Variants in SSH2 observed in about 807,000 individuals in gnomAD.
SSH2 encodes the protein slingshot protein phosphatase 2.
In SSH2, 37 loss-of-function variants were observed where a neutral mutation model predicts 135.2. The observed-to-expected ratio is 0.27, with a 90% CI of 0.21 to 0.36. SSH2 has a LOEUF of 0.36. SSH2 is among the 10% of genes least tolerant of loss of function. The pLI is 1.00. For missense variants in SSH2, 1,408 were observed against 1,765.3 expected, an observed-to-expected ratio of 0.80 and a Z score of 3.63; for synonymous variants, 628 against 646.2, an observed-to-expected ratio of 0.97 and a Z score of 0.43.
chr17:29,854,079 T>C (rs981284750), intron 1 of SSH2, among the ~76,000 whole-genome samples: 2 of 151,974 alleles, frequency 1.3e-5, no homozygotes, highest in African/African-American at 4.8e-5. Flanking sequence ...AAAAGGCTTA[T>C]ACATTTGGGT....
intron 14 of SSH2, among the ~76,000 whole-genome samples, chr17:29,643,565 C>T (rs999840575): frequency 4.6e-5 from 7 of 152,286 alleles, no homozygotes; most frequent in Admixed American, 4.6e-4. Context: ...GTGATCTCAA[C>T]TCACTGCAAC....
intron 9 of SSH2, among the ~76,000 whole-genome samples, chr17:29,667,781 C>T (rs2151035199): frequency 6.6e-6 from 1 of 152,286 alleles, no homozygotes; most frequent in East Asian, 1.9e-4. Flanking sequence ...AAACAAACAA[C>T]TGAAAAGCTA....
At chr17:29,826,297 C>T (rs1363312373) in intron 2 of SSH2, among the ~76,000 whole-genome samples, 1 of 152,084 alleles carries the variant, frequency 6.6e-6, no homozygotes, top group Admixed American at 6.6e-5. Flanking sequence ...AAAGCTTCCA[C>T]CTAGAAGTGA....
chr17:29,670,276 T>C (rs760994324), intron 9 of SSH2, among the ~76,000 whole-genome samples: 2 of 152,174 alleles, frequency 1.3e-5, no homozygotes, highest in Non-Finnish European at 2.9e-5. Context: ...TTGAGCTAGA[T>C]GAGACATCCA....
In SSH2 at chr17:29,650,692, C is replaced by T. The variant is rs116740540; in HGVS notation, c.1188G>A (p.Ala396=). Residue 396 remains alanine (A), a synonymous_variant, in exon 13 of 16, where the codon GCG becomes GCA. Coordinates refer to ENST00000540801, the MANE Select transcript of SSH2 (RefSeq NM_001282129.2). ...TGAATTTGTAAGTGTCATTCCAGTA[C>T]GCCAGGAGATCCGTTGCCTCTTCAT... ...VYDEEATDLL[A]YWNDTYKFIS... The T allele has an allele frequency of 1.2e-3, 1,931 of 1,613,826 alleles. 17 individuals carry two copies. In the African/African-American group the frequency reaches 0.022, roughly 18 times the overall value.
At chr17:29,860,335 T>C (rs1207857910) in intron 1 of SSH2, among the ~76,000 whole-genome samples, 1 of 152,214 alleles carries the variant, frequency 6.6e-6, no homozygotes, top group East Asian at 1.9e-4. Context: ...ATGGTTTTGA[T>C]TTGCATTTCT....
intron 1 of SSH2, among the ~76,000 whole-genome samples, chr17:29,913,347 A>ATATATATATATAT (rs1429739888): frequency 3.5e-5 from 1 of 28,778 alleles, no homozygotes; most frequent in Non-Finnish European, 5.9e-5. Context: ...AAAAAAAAAA[A>ATATATATATATAT]ATATATATAT....
chr17:29,899,129 C>G (rs1480898134), intron 1 of SSH2, among the ~76,000 whole-genome samples: 2 of 151,994 alleles, frequency 1.3e-5, no homozygotes, highest in African/African-American at 2.4e-5. Context: ...GGACGTATCT[C>G]AAAATAATAA....
intron 2 of SSH2, among the ~76,000 whole-genome samples, chr17:29,828,916 C>G (rs1024723815): frequency 4.6e-5 from 7 of 152,198 alleles, no homozygotes; most frequent in Admixed American, 1.3e-4. Flanking sequence ...CAAAGCAAAA[C>G]CCCAGTGGCG....
chr17:29,793,347 C>A (rs1300712865), intron 3 of SSH2, among the ~76,000 whole-genome samples: 1 of 151,694 alleles, frequency 6.6e-6, no homozygotes, highest in East Asian at 1.9e-4. Flanking sequence ...CTCAGTATAC[C>A]CTTTGTATAG....
intron 1 of SSH2, among the ~76,000 whole-genome samples, chr17:29,850,029 C>CA (rs970117948): frequency 0.041 from 1,518 of 37,134 alleles, 61 homozygotes; most frequent in African/African-American, 0.11. Context: ...GACTCCATCT[C>CA]AAAAAAAAAA....
intron 3 of SSH2, among the ~76,000 whole-genome samples, chr17:29,792,426 A>G (rs1305264480): frequency 6.6e-6 from 1 of 152,120 alleles, no homozygotes; most frequent in East Asian, 1.9e-4. Context: ...TCTGGTACAC[A>G]TTCAGCTAAA....
chr17:29,718,410 TCCTAAAACTTAAAAG>T (rs2151161657), intron 3 of SSH2, among the ~76,000 whole-genome samples: 1 of 152,318 alleles, frequency 6.6e-6, no homozygotes, highest in Non-Finnish European at 1.5e-5. Context: ...TAGCAAATTA[TCCTAAAACTTAAAAG>T]CCTAAAACCA....
intron 6 of SSH2, among the ~76,000 whole-genome samples, chr17:29,682,591 C>G (rs1268022295): frequency 1.3e-5 from 2 of 151,296 alleles, no homozygotes; most frequent in African/African-American, 4.9e-5. Context: ...CTGGGCAACA[C>G]AGAGAGACTG....
At chr17:29,815,792 T>A (rs2042547701) in intron 2 of SSH2, among the ~76,000 whole-genome samples, 1 of 152,224 alleles carries the variant, frequency 6.6e-6, no homozygotes, top group Non-Finnish European at 1.5e-5. Context: ...AAATTCACAA[T>A]CTTTTCTATC....
chr17:29,697,654 T>C (rs749739517), intron 4 of SSH2, among the ~76,000 whole-genome samples: 2 of 151,868 alleles, frequency 1.3e-5, no homozygotes, highest in Non-Finnish European at 2.9e-5. Context: ...TATAAATAAA[T>C]AAACAAAAAC....
chr17:29,714,957 C>A (rs900497998), intron 3 of SSH2, among the ~76,000 whole-genome samples: 4 of 152,050 alleles, frequency 2.6e-5, no homozygotes, highest in African/African-American at 9.7e-5. Flanking sequence ...ACCTCCGCCT[C>A]CTGGGCTCAA....
At chr17:29,700,325 G>T (rs1022444698) in intron 4 of SSH2, among the ~76,000 whole-genome samples, 1 of 152,058 alleles carries the variant, frequency 6.6e-6, no homozygotes, top group Non-Finnish European at 1.5e-5. Context: ...TCCCCAAAAT[G>T]ATAAATAAGG....
At chr17:29,899,172 A>C (rs2066500194) in intron 1 of SSH2, among the ~76,000 whole-genome samples, 1 of 151,924 alleles carries the variant, frequency 6.6e-6, no homozygotes, top group African/African-American at 2.4e-5. Context: ...AGCCAATATC[A>C]TACTGAATGG....
Sources: gnomAD v4.1 joint callset for allele counts (sites outside exome capture counted in the v4.1 genomes callset) on GRCh38, gnomAD v4.1.1 for gene constraint, MANE v1.5 for transcripts, NCBI Gene and HGNC (gene_info 2026-07-23, HGNC 2026-07-21) for gene names.